The following HECW1 variants were observed in gnomAD, a reference collection of about 807,000 sequenced individuals.
The protein encoded by HECW1 is E3 ubiquitin-protein ligase HECW1.
A neutral mutation model predicts 182.3 loss-of-function variants in HECW1; 61 were observed. The observed-to-expected ratio is 0.33, with a 90% CI of 0.27 to 0.41. The LOEUF is 0.41. Among genes scored for constraint, HECW1 ranks in the 10% least tolerant of loss-of-function variants. The pLI, the probability that HECW1 is intolerant of heterozygous loss-of-function variation, is 1.00. For missense variants in HECW1, 1,739 were observed against 2,108.9 expected, an observed-to-expected ratio of 0.82 and a Z score of 3.44; for synonymous variants, 859 against 832.6, an observed-to-expected ratio of 1.03 and a Z score of -0.55.
chr7:43,240,542 T>C (rs1798787053), intron 2 of HECW1, among the ~76,000 whole-genome samples: 1 of 152,182 alleles, frequency 6.6e-6, no homozygotes, highest in South Asian at 2.1e-4. Flanking sequence ...GGTAACGTGC[T>C]TTCTAATATT....
intron 2 of HECW1, among the ~76,000 whole-genome samples, chr7:43,232,730 G>A (rs550226757): frequency 1.4e-4 from 22 of 152,268 alleles, no homozygotes; most frequent in Non-Finnish European, 2.9e-4. Context: ...CCAGACCTCC[G>A]CTCTGGAATG....
rs1262802534 is a variant in HECW1 at position 43,563,941 on chromosome 7, G to GA, written c.*2016dup. ...TACAATGCCCAGCACCCCTTGCAGC[G>GA]ATGTGTCCGTTGTCAATCAAGGAGT... is the stretch of plus-strand genomic sequence containing the variant. On this transcript the variant is annotated 3_prime_UTR_variant, in exon 30 of 30. Coordinates refer to ENST00000395891, the MANE Select transcript of HECW1 (RefSeq NM_015052.5). The GA allele has an allele frequency of 5.9e-5, 11 of 186,518 alleles. No individual in the cohort carries two copies. In the East Asian group the frequency reaches 8.6e-4, roughly 15 times the overall value. 11.6% of individuals were successfully genotyped at this position (186,518 alleles called of 1,614,324 possible). A position where few individuals can be genotyped will look rare whatever the true frequency, so the allele number is the denominator to read the frequency against.
Position 43,396,807 on chromosome 7 carries a change from T to C in HECW1, c.556-7T>C. 1 of 1,607,338 alleles carries C rather than the reference T, an allele frequency of 6.2e-7. No individual in the cohort carries two copies. Among genetic ancestry groups the C allele is most frequent in the Non-Finnish European group, 8.5e-7 (1 of 1,175,240 alleles). On this transcript the variant is annotated splice_polypyrimidine_tract_variant and splice_region_variant and intron_variant, in intron 6 of 29. Transcript: ENST00000395891. ...TTGTTTGTCTCCCATTTTCCTTCTTTTTACAGATTTTTAAAAGCATTGGTG... is the reference window on the plus strand; with the variant it reads ...TTGTTTGTCTCCCATTTTCCTTCTTCTTACAGATTTTTAAAAGCATTGGTG...
intron 29 of HECW1, among the ~76,000 whole-genome samples, chr7:43,556,691 TTAAA>T (rs2152962946): frequency 7.6e-6 from 1 of 131,136 alleles, no homozygotes; most frequent in South Asian, 2.4e-4. Flanking sequence ...TTGTCTCAAA[TTAAA>T]TTAAAAAAAA....
rs117714282 is a variant in HECW1 at position 43,180,088 on chromosome 7, G to A, written c.-31-63787G>A. Among the ~76,000 whole-genome samples, 12 of 152,338 alleles carry A rather than the reference G, an allele frequency of 7.9e-5. No homozygotes were observed. The East Asian group carries it at 1.4e-3, about 17-fold the overall frequency. On this transcript the variant is annotated intron_variant, in intron 2 of 29. Coordinates refer to ENST00000395891, the MANE Select transcript of HECW1 (RefSeq NM_015052.5). Reference sequence around the variant, plus strand: ...TGCCAGTTTACGTTATCTGCCCTTAGCAGAGTTGGTAACATTCCCTTTTAT... The same window carrying A: ...TGCCAGTTTACGTTATCTGCCCTTAACAGAGTTGGTAACATTCCCTTTTAT...
intron 29 of HECW1, among the ~76,000 whole-genome samples, chr7:43,557,847 C>T (rs924369575): frequency 6.6e-6 from 1 of 152,198 alleles, no homozygotes; most frequent in African/African-American, 2.4e-5. Context: ...CAGCACTTTA[C>T]CCTTATTATC....
chr7:43,429,289 C>CATATATATATATAT (rs57627873), intron 8 of HECW1, among the ~76,000 whole-genome samples: 2 of 106,698 alleles, frequency 1.9e-5, no homozygotes, highest in Non-Finnish European at 3.8e-5. Flanking sequence ...ATATTATATG[C>CATATATATATATAT]ATATATATAT....
At chr7:43,499,978 G>GC (rs1367874160) in intron 19 of HECW1, among the ~76,000 whole-genome samples, 2 of 152,110 alleles carry the variant, frequency 1.3e-5, no homozygotes, top group East Asian at 3.8e-4. Context: ...TTGGGGCCGG[G>GC]CCCCCTCTGT....
intron 2 of HECW1, among the ~76,000 whole-genome samples, chr7:43,122,784 T>C (rs1035521098): frequency 2.0e-5 from 3 of 152,144 alleles, no homozygotes; most frequent in Non-Finnish European, 2.9e-5. Flanking sequence ...GACTACTAAA[T>C]CACAAATCTA....
chr7:43,555,309 G>T (rs1166722617), intron 29 of HECW1, among the ~76,000 whole-genome samples: 1 of 152,164 alleles, frequency 6.6e-6, no homozygotes, highest in Admixed American at 6.5e-5. Context: ...CACATCTATT[G>T]TGGGATAAAT....
chr7:43,372,657 A>C (rs1001237707), intron 6 of HECW1, among the ~76,000 whole-genome samples: 3 of 151,842 alleles, frequency 2.0e-5, no homozygotes, highest in African/African-American at 7.3e-5. Context: ...AACATCTATA[A>C]TTTTTTTAAA....
chr7:43,535,953 A>C (rs2081164021), intron 24 of HECW1, among the ~76,000 whole-genome samples: 1 of 152,226 alleles, frequency 6.6e-6, no homozygotes, highest in African/African-American at 2.4e-5. Flanking sequence ...CTTGCAACAT[A>C]CTAAAACCAA....
At chr7:43,197,415 G>A (rs546702525) in intron 2 of HECW1, among the ~76,000 whole-genome samples, 4 of 152,284 alleles carry the variant, frequency 2.6e-5, no homozygotes, top group Non-Finnish European at 2.9e-5. Flanking sequence ...CCTGCTGCCT[G>A]TGGAGAGGCA....
chr7:43,446,450 AG>A (rs1198914146), intron 11 of HECW1, among the ~76,000 whole-genome samples: 1 of 152,232 alleles, frequency 6.6e-6, no homozygotes, highest in Non-Finnish European at 1.5e-5. Context: ...GAAATAATTC[AG>A]TTGTTTTAAA....
chr7:43,489,857 C>T (rs1310454459), intron 17 of HECW1, among the ~76,000 whole-genome samples: 2 of 152,206 alleles, frequency 1.3e-5, no homozygotes, highest in Non-Finnish European at 2.9e-5. Flanking sequence ...TGCAATATCA[C>T]ACATGGCCTA....
intron 2 of HECW1, among the ~76,000 whole-genome samples, chr7:43,138,312 ATGC>A (rs1389325194): frequency 8.5e-5 from 13 of 152,226 alleles, no homozygotes; most frequent in Non-Finnish European, 1.8e-4. Context: ...GGTTTAATCT[ATGC>A]TGATGATTAA....
intron 5 of HECW1, among the ~76,000 whole-genome samples, chr7:43,321,487 G>A (rs1810109026): frequency 6.6e-6 from 1 of 152,244 alleles, no homozygotes; most frequent in Admixed American, 6.5e-5. Flanking sequence ...CAGATTATGG[G>A]CTTGACATTT....
At chr7:43,190,101 GTTGT>G (rs1314626736) in intron 2 of HECW1, among the ~76,000 whole-genome samples, 2 of 151,946 alleles carry the variant, frequency 1.3e-5, no homozygotes, top group Non-Finnish European at 2.9e-5. Flanking sequence ...TGTTGTTGTT[GTTGT>G]TTGTTTGCTT....
At chr7:43,181,173 A>C (rs1379287003) in intron 2 of HECW1, among the ~76,000 whole-genome samples, 1 of 150,948 alleles carries the variant, frequency 6.6e-6, no homozygotes, top group Non-Finnish European at 1.5e-5. Context: ...GGCAAATGAC[A>C]CCATTTCATT....
Sources: allele counts gnomAD v4.1 joint callset (sites outside exome capture counted in the v4.1 genomes callset), GRCh38; gene constraint gnomAD v4.1.1; transcripts MANE v1.5; gene names NCBI Gene and HGNC (gene_info 2026-07-23, HGNC 2026-07-21).